CIDEA: variants seen among roughly 807,000 people sequenced by gnomAD.
CIDEA encodes the protein cell death inducing DFFA like effector a.
A neutral mutation model predicts 18.2 loss-of-function variants in CIDEA; 10 were observed. The ratio of observed to expected loss-of-function variants is 0.55; its 90% confidence interval spans 0.34 to 0.93. The LOEUF is 0.93. Among genes scored for constraint, CIDEA ranks in the 40% least tolerant of loss-of-function variants. The pLI, the probability that CIDEA is intolerant of heterozygous loss-of-function variation, is 0.02. For synonymous variants in CIDEA, 128 were observed against 124.8 expected, an observed-to-expected ratio of 1.03 and a Z score of -0.17; for missense variants, 309 against 293.1, an observed-to-expected ratio of 1.05 and a Z score of -0.40.
At chr18:12,274,320 G>A (rs140152212) in intron 4 of CIDEA, 46 bp downstream of exon 4, 2 of 1,590,064 alleles carry the variant, frequency 1.3e-6, no homozygotes, top group South Asian at 1.1e-5. Flanking sequence ...AGACTGCACA[G>A]GGTGTGGCAC....
intron 1 of CIDEA, among the ~76,000 whole-genome samples, chr18:12,256,942 C>G (rs1912053264): frequency 6.6e-6 from 1 of 152,178 alleles, no homozygotes; most frequent in Non-Finnish European, 1.5e-5. Flanking sequence ...GCGAGTTTAT[C>G]TGGGGGGTAG....
intron 1 of CIDEA, chr18:12,255,040 G>A: frequency 3.4e-6 from 3 of 883,984 alleles, no homozygotes; most frequent in Non-Finnish European, 4.6e-6. Flanking sequence ...GGGACAAGGG[G>A]CGGGTGGACC....
chr18:12,261,597 T>C (rs184346484), intron 1 of CIDEA, among the ~76,000 whole-genome samples: 9 of 152,176 alleles, frequency 5.9e-5, no homozygotes, highest in Admixed American at 2.0e-4. Flanking sequence ...GGAGTCTCAC[T>C]ATGTCATCCA....
At chr18:12,267,741 G>A (rs1010035218) in intron 3 of CIDEA, among the ~76,000 whole-genome samples, 32 of 151,988 alleles carry the variant, frequency 2.1e-4, no homozygotes, top group East Asian at 3.9e-4. Context: ...GTGATCCACC[G>A]GCCTTGGCCT....
At chr18:12,275,436 C>G (rs1012338568) in intron 4 of CIDEA, among the ~76,000 whole-genome samples, 2 of 152,250 alleles carry the variant, frequency 1.3e-5, no homozygotes, top group African/African-American at 2.4e-5. Flanking sequence ...ACACCTACTT[C>G]TACTCCAGTA....
intron 3 of CIDEA, among the ~76,000 whole-genome samples, chr18:12,265,497 G>A (rs138803223): frequency 2.4e-4 from 36 of 152,368 alleles, no homozygotes; most frequent in African/African-American, 7.9e-4. Context: ...GAGGGTCTGC[G>A]TAAAGCAGGG....
chr18:12,264,027 A>G (rs1395021617), intron 2 of CIDEA, among the ~76,000 whole-genome samples: 4 of 152,174 alleles, frequency 2.6e-5, no homozygotes, highest in Non-Finnish European at 5.9e-5. Flanking sequence ...GCTTGAGCCC[A>G]GGAGTCTGAG....
rs191092365 is a variant in CIDEA at position 12,276,976 on chromosome 18, C to T, written c.513-147C>T. 124 of 885,868 alleles carry T rather than the reference C, an allele frequency of 1.4e-4. No individual in the cohort carries two copies. In the African/African-American group the frequency reaches 1.9e-3, roughly 13 times the overall value. The allele number at this position is 885,868 out of a possible 1,614,324, so 54.9% of individuals were successfully genotyped here. A position where few individuals can be genotyped will look rare whatever the true frequency, so the allele number is the denominator to read the frequency against. On this transcript the variant is annotated intron_variant, in intron 4 of 4. Transcript: ENST00000320477. ...CTGTGCCAGCCCTGGGACACGTGCA[C>T]TCTGAGAGTCAGACAGCCATGCTCT...
chr18:12,268,511 C>A (rs528594512), intron 3 of CIDEA, among the ~76,000 whole-genome samples: 6 of 151,840 alleles, frequency 4.0e-5, no homozygotes, highest in Admixed American at 1.3e-4. Context: ...CCTCAGCCTC[C>A]CAAGTAGCTG....
chr18:12,277,123 G>A lies in CIDEA; in HGVS notation c.513G>A (p.Arg171=), dbSNP rs1568107901. 5.0e-6 allele frequency: 8 copies of A among 1,613,872 alleles called. No homozygotes were observed. The highest frequency in any genetic ancestry group is 6.8e-6 in the Non-Finnish European group (8 of 1,179,920). The change falls in exon 5 of 5, where the codon AGG becomes AGA. Residue 171 remains arginine, a splice_region_variant and synonymous_variant. Transcript: ENST00000320477. ...IRCTGLKGLL[R]SLLRFLSYSA... is the part of the protein sequence containing the mutation. ...GCCTCCCCATCTGCCTCTGCCACAG[G>A]AGTCTGCTGCGGTTCCTGTCCTACT... is the stretch of plus-strand genomic sequence containing the variant.
At chr18:12,259,510 C>T (rs1019090129) in intron 1 of CIDEA, among the ~76,000 whole-genome samples, 3 of 152,166 alleles carry the variant, frequency 2.0e-5, no homozygotes, top group Non-Finnish European at 4.4e-5. Context: ...GTTTTCTCAT[C>T]CGTGAAGTGG....
chr18:12,272,945 A>G (rs2144085965), intron 3 of CIDEA, among the ~76,000 whole-genome samples: 1 of 152,290 alleles, frequency 6.6e-6, no homozygotes, highest in South Asian at 2.1e-4. Context: ...AGACAAATTC[A>G]AGTCAAAGAC....
chr18:12,275,307 C>T (rs976246581), intron 4 of CIDEA, among the ~76,000 whole-genome samples: 15 of 152,286 alleles, frequency 9.8e-5, no homozygotes, highest in African/African-American at 3.4e-4. Flanking sequence ...CACACCACTG[C>T]ACTCCAGACT....
intron 4 of CIDEA, 47 bp downstream of exon 4, chr18:12,274,321 G>A: frequency 1.9e-6 from 3 of 1,586,186 alleles, no homozygotes; most frequent in Non-Finnish European, 2.6e-6. Context: ...GACTGCACAG[G>A]GTGTGGCACA....
At chr18:12,267,349 G>A (rs1226716868) in intron 3 of CIDEA, among the ~76,000 whole-genome samples, 20 of 152,234 alleles carry the variant, frequency 1.3e-4, no homozygotes, top group Admixed American at 1.1e-3. Context: ...AAATACACAC[G>A]AAGAAACTGT....
chr18:12,260,289 C>T (rs1912154537), intron 1 of CIDEA, among the ~76,000 whole-genome samples: 1 of 152,150 alleles, frequency 6.6e-6, no homozygotes, highest in South Asian at 2.1e-4. Flanking sequence ...AATCCCCTTG[C>T]CTCAGCCTCC....
intron 3 of CIDEA, among the ~76,000 whole-genome samples, chr18:12,270,564 C>A (rs1319362022): frequency 6.6e-6 from 1 of 151,780 alleles, no homozygotes; most frequent in African/African-American, 2.4e-5. Flanking sequence ...TGGTAGGCAC[C>A]TGTAATCCCA....
At position 12,270,259 on chromosome 18, in the gene CIDEA, C is replaced by T. The variant is rs1036079698; in HGVS notation, c.331-3834C>T. Reference sequence around the variant, plus strand: ...ATGGCAGTGTGTAGGTTTCATTTTACGTCTTTCTGTCCCTTACTTCTACAT... The same window carrying T: ...ATGGCAGTGTGTAGGTTTCATTTTATGTCTTTCTGTCCCTTACTTCTACAT... On this transcript the variant is annotated intron_variant, in intron 3 of 4. Coordinates refer to ENST00000320477, the MANE Select transcript of CIDEA (RefSeq NM_001279.4). 5.9e-5 allele frequency among the ~76,000 whole-genome samples: 9 copies of T among 152,124 alleles called. No homozygotes were observed. The South Asian group carries it at 1.2e-3, about 21-fold the overall frequency.
At chr18:12,254,780 G>C (rs1299209753) in intron 1 of CIDEA, 7 of 1,372,788 alleles carry the variant, frequency 5.1e-6, no homozygotes, top group Non-Finnish European at 6.8e-6. Flanking sequence ...GCGCAGAAGA[G>C]GGTCCGGTCC....
Sources: gnomAD v4.1 joint callset for allele counts (sites outside exome capture counted in the v4.1 genomes callset) on GRCh38, gnomAD v4.1.1 for gene constraint, MANE v1.5 for transcripts, NCBI Gene and HGNC (gene_info 2026-07-23, HGNC 2026-07-21) for gene names.